The following HSPH1 variants were observed in gnomAD, a reference collection of about 807,000 sequenced individuals.
HSPH1 encodes heat shock protein family H (Hsp110) member 1, also known as heat shock protein 105 kDa.
Under a neutral mutation model 100.0 loss-of-function variants are expected in HSPH1, and 40 were observed. The ratio of observed to expected loss-of-function variants is 0.40; its 90% confidence interval spans 0.31 to 0.52. HSPH1 has a LOEUF of 0.52. Ranked by LOEUF, HSPH1 falls within the 20% of genes least tolerant of loss-of-function variation. HSPH1 has a pLI of 0.54. For synonymous variants in HSPH1, 403 were observed against 344.0 expected, an observed-to-expected ratio of 1.17 and a Z score of -1.90; for missense variants, 876 against 1,015.1, an observed-to-expected ratio of 0.86 and a Z score of 1.86.
At chr13:31,152,750 T>C in intron 5 of HSPH1, 102 bp downstream of exon 5, 1 of 794,810 alleles carries the variant, frequency 1.3e-6, no homozygotes. Context: ...TGACTTGACT[T>C]TTTAACAGGC....
upstream of HSPH1, chr13:31,162,374 C>G (rs41292155): frequency 9.2e-3 from 4,817 of 525,524 alleles, 34 homozygotes; most frequent in Non-Finnish European, 0.012. Flanking sequence ...ATCGTAGTCC[C>G]GCTGGGAGAA....
At chr13:31,159,021 G>T (rs1956803816) in intron 1 of HSPH1, among the ~76,000 whole-genome samples, 158 bp from the exon 2 acceptor site, 1 of 152,154 alleles carries the variant, frequency 6.6e-6, no homozygotes, top group Non-Finnish European at 1.5e-5. Flanking sequence ...TACTCAAAGG[G>T]GGCTTCCACT....
Position 31,150,154 on chromosome 13 carries a change from G to A in HSPH1, c.937C>T (p.Leu313Phe). 1 of 1,603,690 alleles carries A rather than the reference G, an allele frequency of 6.2e-7. No individual in the cohort carries two copies. Among genetic ancestry groups the A allele is most frequent in the Non-Finnish European group, 8.5e-7 (1 of 1,173,132 alleles). The change falls in exon 8 of 18, where the codon CTT becomes TTT. Residue 313 changes from leucine to phenylalanine, a missense_variant. By Grantham distance (22) the Leu-to-Phe change is conservative. Coordinates refer to ENST00000320027, the MANE Select transcript of HSPH1 (RefSeq NM_006644.4). The part of the protein sequence containing the change: ...RSQFEELCAE[L>F]LQKIEVPLYS... ...AGGGGTACTTCTATCTTTTGCAGAAGTTCAGCACAGAGTTCTTCAAATTGT... is the reference window on the plus strand; with the variant it reads ...AGGGGTACTTCTATCTTTTGCAGAAATTCAGCACAGAGTTCTTCAAATTGT...
intron 10 of HSPH1, among the ~76,000 whole-genome samples, chr13:31,147,617 A>T (rs997653024): frequency 6.6e-6 from 1 of 152,120 alleles, no homozygotes; most frequent in Non-Finnish European, 1.5e-5. Context: ...AATCTAGAGA[A>T]AAAGTTAGTA....
chr13:31,154,840 TC>T, intron 3 of HSPH1, 85 bp from the exon 4 acceptor site: 1 of 1,114,814 alleles, frequency 9.0e-7, no homozygotes, highest in Non-Finnish European at 1.3e-6. Context: ...TAGCACACAT[TC>T]CCTTCCACAA....
At position 31,150,061 on chromosome 13, in the gene HSPH1, C is replaced by A. The variant is rs774955562; in HGVS notation, c.1030G>T (p.Ala344Ser). 212 of 1,613,654 alleles carry A rather than the reference C, an allele frequency of 1.3e-4. No homozygotes were observed. Among genetic ancestry groups the A allele is most frequent in the Non-Finnish European group, 1.7e-4 (204 of 1,179,794 alleles). Residue 344 changes from alanine (A) to serine (S), a missense_variant, in exon 8 of 18, where the codon GCT (alanine) becomes TCT (serine). Ala to Ser is a moderately conservative substitution (Grantham distance 99, BLOSUM62 1). Transcript: ENST00000320027. The stretch of plus-strand genomic sequence containing the variant: ...TCCTTCACAGCTGGAATTCGTGTAG[C>A]GCCTCCAACAATCTCAACTGCACTC... ...DVSAVEIVGG[A>S]TRIPAVKERI...
At chr13:31,143,158 TA>T (rs1341564546) in intron 12 of HSPH1, among the ~76,000 whole-genome samples, 1 of 152,102 alleles carries the variant, frequency 6.6e-6, no homozygotes, top group Non-Finnish European at 1.5e-5. Context: ...CTACAAAACA[TA>T]CGGTGATTCA....
chr13:31,145,713 T>G lies in HSPH1; in HGVS notation c.1434A>C (p.Val478=). 1.9e-6 allele frequency: 3 copies of G among 1,613,652 alleles called. No individual in the cohort carries two copies. The highest frequency in any genetic ancestry group is 2.5e-6 in the Non-Finnish European group (3 of 1,179,742). Residue 478 remains valine, a synonymous_variant, in exon 11 of 18, where the codon GTA becomes GTC. Coordinates refer to ENST00000320027, the MANE Select transcript of HSPH1 (RefSeq NM_006644.4). The stretch of plus-strand genomic sequence containing the variant: ...GGGTGTTGACTCGCACTTTGACTTT[T>G]ACTCTAGATTTTTCTCCATCTTTCT... ...SAQKDGEKSR[V]KVKVRVNTHG...
chr13:31,142,270 A>G (rs1452644174), intron 12 of HSPH1, among the ~76,000 whole-genome samples: 1 of 152,122 alleles, frequency 6.6e-6, no homozygotes, highest in Non-Finnish European at 1.5e-5. Flanking sequence ...AGAAAGTTCA[A>G]TGACTTGCCT....
chr13:31,138,646 T>C, intron 16 of HSPH1, 78 bp from the exon 17 acceptor site: 1 of 1,521,350 alleles, frequency 6.6e-7, no homozygotes, highest in Non-Finnish European at 8.8e-7. Flanking sequence ...TCCAGGAAGC[T>C]CAAGTTCAAA....
At chr13:31,154,535 A>C in intron 4 of HSPH1, 98 bp downstream of exon 4, 1 of 1,338,648 alleles carries the variant, frequency 7.5e-7, no homozygotes. Context: ...CACGGTCTCT[A>C]GTAACTAAAG....
rs889954850 is a variant in HSPH1 at position 31,138,210 on chromosome 13, A to C, written c.2370+197T>G. Among the ~76,000 whole-genome samples, 2 of 152,152 alleles carry C rather than the reference A, an allele frequency of 1.3e-5. 1 individual carries two copies. Among genetic ancestry groups the C allele is most frequent in the Non-Finnish European group, 2.9e-5 (2 of 67,990 alleles). ...CAAATACACTTGTTGAAATGAATGA[A>C]TAAATGGAGAAGTGGAAATTCAACA... On this transcript the variant is annotated intron_variant, in intron 17 of 17. Coordinates refer to ENST00000320027, the MANE Select transcript of HSPH1 (RefSeq NM_006644.4).
chr13:31,150,287 C>A (rs552935618), intron 7 of HSPH1, 105 bp from the exon 8 acceptor site: 3 of 733,918 alleles, frequency 4.1e-6, no homozygotes, highest in Non-Finnish European at 2.2e-6. Flanking sequence ...CACCTTGGAT[C>A]CCACATGGGC....
At chr13:31,159,958 G>A (rs555000559) in intron 1 of HSPH1, among the ~76,000 whole-genome samples, 39 of 152,216 alleles carry the variant, frequency 2.6e-4, no homozygotes, top group African/African-American at 9.2e-4. Flanking sequence ...ATTTTCCTAG[G>A]GGAGAATCAA....
At chr13:31,149,786 G>A (rs1956414855) in intron 8 of HSPH1, among the ~76,000 whole-genome samples, 168 bp downstream of exon 8, 2 of 152,092 alleles carry the variant, frequency 1.3e-5, no homozygotes, top group Admixed American at 1.3e-4. Flanking sequence ...GAAATTTACT[G>A]GATCTTTTAG....
intron 2 of HSPH1, among the ~76,000 whole-genome samples, chr13:31,158,011 A>G (rs1326025606): frequency 6.6e-6 from 1 of 152,218 alleles, no homozygotes; most frequent in Non-Finnish European, 1.5e-5. Flanking sequence ...CCACATTTCA[A>G]ATGCTCAATA....
intron 10 of HSPH1, among the ~76,000 whole-genome samples, chr13:31,146,182 A>C (rs765607067): frequency 4.6e-5 from 7 of 152,070 alleles, no homozygotes; most frequent in Non-Finnish European, 7.4e-5. Flanking sequence ...AGATAAGAAA[A>C]ATACAAAGGC....
chr13:31,141,539 A>G (rs12874666), intron 12 of HSPH1, among the ~76,000 whole-genome samples: 55,977 of 151,876 alleles, frequency 0.37, 11,396 homozygotes, highest in Non-Finnish European at 0.47. Flanking sequence ...TTTACTTTCT[A>G]AGCCCTTTAA....
intron 13 of HSPH1, 49 bp from the exon 14 acceptor site, chr13:31,140,358 C>A: frequency 6.4e-7 from 1 of 1,557,136 alleles, no homozygotes; most frequent in Non-Finnish European, 8.7e-7. Flanking sequence ...TTAACTCAAG[C>A]TAAATTCTAA....
Sources: allele counts gnomAD v4.1 joint callset (sites outside exome capture counted in the v4.1 genomes callset), GRCh38; gene constraint gnomAD v4.1.1; transcripts MANE v1.5; gene names NCBI Gene and HGNC (gene_info 2026-07-23, HGNC 2026-07-21).